The following TCF20 variants were observed in gnomAD, a reference collection of about 807,000 sequenced individuals.
TCF20 encodes SPRE-binding protein.
Under a neutral mutation model 148.6 loss-of-function variants are expected in TCF20, and 3 were observed. The ratio of observed to expected loss-of-function variants is 0.02; its 90% CI spans 0.01 to 0.05. TCF20 has a LOEUF of 0.05. Ranked by LOEUF, TCF20 falls within the 10% of genes least tolerant of loss-of-function variation. The pLI is 1.00. For missense variants in TCF20, 2,350 were observed against 2,429.3 expected (o/e 0.97, Z 0.69); for synonymous variants, 1,049 against 909.5 (o/e 1.15, Z -2.76).
intron 1 of TCF20, among the ~76,000 whole-genome samples, chr22:42,329,997 G>A (rs926968852): frequency 1.3e-5 from 2 of 152,150 alleles, no homozygotes; most frequent in African/African-American, 4.8e-5. Context: ...AGAGGCCCTC[G>A]GCTGCCTGTG....
At chr22:42,216,720 T>C (rs1921845446) in intron 1 of TCF20, among the ~76,000 whole-genome samples, 1 of 152,242 alleles carries the variant, frequency 6.6e-6, no homozygotes, top group Admixed American at 6.5e-5. Context: ...AGCAATCATC[T>C]TGGAGGACAG....
chr22:42,304,503 G>A (rs1011631483), intron 1 of TCF20, among the ~76,000 whole-genome samples: 4 of 152,176 alleles, frequency 2.6e-5, no homozygotes, highest in Non-Finnish European at 5.9e-5. Context: ...ACCTTCCCCT[G>A]GGCTTACAAA....
chr22:42,335,874 C>T (rs919922055), intron 1 of TCF20, among the ~76,000 whole-genome samples: 2 of 152,180 alleles, frequency 1.3e-5, no homozygotes, highest in African/African-American at 4.8e-5. Context: ...CAGCAACGAG[C>T]CTGGCCCCTA....
intron 1 of TCF20, among the ~76,000 whole-genome samples, chr22:42,336,933 C>T (rs1366657712): frequency 6.6e-6 from 1 of 152,206 alleles, no homozygotes; most frequent in Non-Finnish European, 1.5e-5. Flanking sequence ...GAACTGCTTC[C>T]CATAGCCACG....
At position 42,327,212 on chromosome 22, in the gene TCF20, G is replaced by A. The variant is rs371324548; in HGVS notation, c.-37+16267C>T. On this transcript the variant is annotated intron_variant, in intron 1 of 1. Coordinates refer to the TCF20 transcript ENST00000515426. ...GCTGGCACTGATATAGAGGGGCCAC[G>A]GCAATGCCCTTGGCGCAGGAGCTAA... Among the ~76,000 whole-genome samples, 6 of 152,296 alleles carry A rather than the reference G, an allele frequency of 3.9e-5. No individual in the cohort carries two copies. The East Asian group carries it at 7.7e-4, about 20-fold the overall frequency.
intron 1 of TCF20, among the ~76,000 whole-genome samples, chr22:42,249,475 G>A (rs529163171): frequency 3.3e-5 from 5 of 152,194 alleles, no homozygotes; most frequent in Non-Finnish European, 7.3e-5. Context: ...CAATTGAAGA[G>A]ATCTGTGAAA....
Position 42,210,747 on chromosome 22 carries a change from G to A in TCF20, c.4559C>T (p.Thr1520Met), listed in dbSNP as rs781578465. The change falls in exon 2 of 6, where the codon ACG (threonine) becomes ATG (methionine). Residue 1520 changes from threonine (T) to methionine (M), a missense_variant. Transcript: ENST00000677622. The surrounding 1 kb of genome is among the most constrained non-coding windows in gnomAD (Gnocchi z 4.7). ...KAEEKENDTVTISPKQEGFPP... is the reference protein window; with the variant it reads ...KAEEKENDTVMISPKQEGFPP... ...GAAACCCTCTTGCTTCGGTGAAATC[G>A]TCACTGTATCGTTCTCCTTCTCTTC... 1.2e-5 allele frequency: 20 copies of A among 1,614,084 alleles called. No individual in the cohort carries two copies. Among genetic ancestry groups the A allele is most frequent in the Middle Eastern group, 1.6e-4 (1 of 6,084 alleles).
At chr22:42,287,834 G>A (rs1189333835), upstream of TCF20, among the ~76,000 whole-genome samples, 1 of 151,888 alleles carries the variant, frequency 6.6e-6, no homozygotes, top group East Asian at 1.9e-4. Flanking sequence ...TGGGCGTGGT[G>A]AGTTGCATGG....
intron 1 of TCF20, among the ~76,000 whole-genome samples, chr22:42,304,595 G>A (rs753844768): frequency 6.6e-5 from 10 of 152,214 alleles, no homozygotes; most frequent in Non-Finnish European, 1.0e-4. Context: ...GCAAGTCTAC[G>A]TCTGTTGTGC....
intron 2 of TCF20, among the ~76,000 whole-genome samples, chr22:42,192,615 A>G (rs1373192892): frequency 6.6e-6 from 1 of 152,186 alleles, no homozygotes; most frequent in African/African-American, 2.4e-5. Context: ...ATCTTGATAT[A>G]CTGAAGCTAA....
chr22:42,322,453 C>T lies in TCF20; in HGVS notation c.-37+21026G>A, dbSNP rs371659309. On this transcript the variant is annotated intron_variant, in intron 1 of 1. Coordinates refer to the TCF20 transcript ENST00000515426. ...GACAGGGCCCTTCCTCGAGATCACACGTCAGCAGTGAAGATCCATGGTCTC... is the reference window on the plus strand; with the variant it reads ...GACAGGGCCCTTCCTCGAGATCACATGTCAGCAGTGAAGATCCATGGTCTC... 3.3e-5 allele frequency among the ~76,000 whole-genome samples: 5 copies of T among 151,826 alleles called. No homozygotes were observed. In the South Asian group the frequency reaches 8.3e-4, roughly 25 times the overall value.
In TCF20 at chr22:42,210,760, TCTC is replaced by T. The variant is rs763672777; in HGVS notation, c.4543_4545del (p.Glu1515del). 6.2e-7 allele frequency: 1 copy of T among 1,614,192 alleles called. No homozygotes were observed. The highest frequency in any genetic ancestry group is 1.1e-5 in the South Asian group (1 of 91,076). The stretch of plus-strand genomic sequence containing the variant: ...TTCGGTGAAATCGTCACTGTATCGT[TCTC>T]CTTCTCTTCAGCCTTGGGGTTTGCC... On this transcript the variant is annotated inframe_deletion, in exon 2 of 6. Coordinates refer to ENST00000677622, the MANE Select transcript of TCF20 (RefSeq NM_001378418.1). This position sits in a 1 kb window ranked among gnomAD's most constrained non-coding sequence, Gnocchi z 4.7.
intron 1 of TCF20, among the ~76,000 whole-genome samples, chr22:42,249,215 C>T (rs1266332948): frequency 6.6e-6 from 1 of 152,208 alleles, no homozygotes; most frequent in Non-Finnish European, 1.5e-5. Context: ...ACACCATTAG[C>T]TTCCCTGGTT....
Position 42,253,202 on chromosome 22 carries a change from T to C in TCF20, c.-37+17137A>G, listed in dbSNP as rs575764884. On this transcript the variant is annotated intron_variant, in intron 1 of 5. Transcript: ENST00000677622. ...GAGAATGCATTAGTTCACTCTTCCTTAGAAACCTACACCATCTACTAATTT... is the reference window on the plus strand; with the variant it reads ...GAGAATGCATTAGTTCACTCTTCCTCAGAAACCTACACCATCTACTAATTT... 4.6e-5 allele frequency among the ~76,000 whole-genome samples: 7 copies of C among 152,314 alleles called. No homozygotes were observed. The South Asian group carries it at 6.2e-4, about 14-fold the overall frequency.
At chr22:42,254,959 C>CAAAAAAAA (rs10625678) in intron 1 of TCF20, among the ~76,000 whole-genome samples, 676 of 62,668 alleles carry the variant, frequency 0.011, 36 homozygotes, top group African/African-American at 0.02. Flanking sequence ...GACTCCGTCT[C>CAAAAAAAA]AAAAAAAAAA....
At chr22:42,208,292 C>T (rs1467443885) in intron 2 of TCF20, among the ~76,000 whole-genome samples, 1 of 152,056 alleles carries the variant, frequency 6.6e-6, no homozygotes, top group Non-Finnish European at 1.5e-5. Flanking sequence ...AAAAAAAAAG[C>T]TCTTCAAAAT....
chr22:42,211,892 A>G lies in TCF20; in HGVS notation c.3414T>C (p.Asn1138=), dbSNP rs753259736. 11 of 1,613,768 alleles carry G rather than the reference A, an allele frequency of 6.8e-6. No homozygotes were observed. The highest frequency in any genetic ancestry group is 8.5e-6 in the Non-Finnish European group (10 of 1,179,996). The part of the protein sequence containing the change: ...FLDRVRSPLK[N]DKDGMMYGPP... ...GGCCATACATCATACCATCTTTGTC[A>G]TTTTTCAGAGGGCTCCGTACTCTGT... Residue 1138 remains asparagine (N), a synonymous_variant, in exon 2 of 6, where the codon AAT becomes AAC. Coordinates refer to ENST00000677622, the MANE Select transcript of TCF20 (RefSeq NM_001378418.1).
chr22:42,310,072 T>A (rs1601702024), intron 1 of TCF20, among the ~76,000 whole-genome samples: 1 of 151,954 alleles, frequency 6.6e-6, no homozygotes. Flanking sequence ...CCAGAAAAGG[T>A]GGACTTTGAA....
At chr22:42,228,854 T>C (rs1002634311) in intron 1 of TCF20, among the ~76,000 whole-genome samples, 1 of 152,042 alleles carries the variant, frequency 6.6e-6, no homozygotes, top group Admixed American at 6.6e-5. Flanking sequence ...TAGTGGGTCA[T>C]GAACAGCACT....
Sources: allele counts gnomAD v4.1 joint callset (sites outside exome capture counted in the v4.1 genomes callset), GRCh38; gene constraint gnomAD v4.1.1; non-coding constraint Gnocchi (gnomAD v3.1); transcripts MANE v1.5; gene names NCBI Gene and HGNC (gene_info 2026-07-23, HGNC 2026-07-21).